Variants in IQCM observed in about 807,000 individuals in gnomAD.
IQCM encodes IQ domain-containing protein M.
IQCM carries 45 observed loss-of-function variants against 57.6 expected under a neutral mutation model. The observed-to-expected ratio is 0.78, with a 90% confidence interval of 0.62 to 1.00. The LOEUF (loss-of-function observed/expected upper bound fraction) is 1.00. Ranked by LOEUF, IQCM falls within the 50% of genes least tolerant of loss-of-function variation. IQCM has a pLI of 0.00. For synonymous variants in IQCM, 148 were observed against 158.9 expected (o/e 0.93, Z 0.51); for missense variants, 468 against 511.6 (o/e 0.91, Z 0.82).
In IQCM at chr4:149,593,883, A is replaced by G. The variant is rs75602701; in HGVS notation, c.682-5886T>C. 7.1e-3 allele frequency among the ~76,000 whole-genome samples: 1,080 copies of G among 152,210 alleles called. 13 individuals are homozygous for G. The highest frequency in any genetic ancestry group is 0.025 in the African/African-American group (1,020 of 41,506). On this transcript the variant is annotated intron_variant, in intron 8 of 13. Transcript: ENST00000636793. ...TCAGTATTTTATTGAGGATCTTTGC[A>G]TCGATGTTCATCAGAGACATTGGTC...
chr4:149,724,111 G>T (rs996689186), intron 5 of IQCM, among the ~76,000 whole-genome samples: 1 of 151,846 alleles, frequency 6.6e-6, no homozygotes, highest in African/African-American at 2.4e-5. Flanking sequence ...TCAAATGCTT[G>T]TATTTCTGTA....
intron 13 of IQCM, among the ~76,000 whole-genome samples, chr4:149,397,429 T>C (rs977869161): frequency 6.6e-6 from 1 of 151,982 alleles, no homozygotes; most frequent in Non-Finnish European, 1.5e-5. Context: ...GATTGGATCA[T>C]GGGGGTGATT....
chr4:149,566,692 G>C (rs1300612268), intron 9 of IQCM, among the ~76,000 whole-genome samples: 1 of 152,150 alleles, frequency 6.6e-6, no homozygotes, highest in Non-Finnish European at 1.5e-5. Flanking sequence ...AATGTGATTT[G>C]TCTGGTTTTC....
rs547140689 is a variant in IQCM at position 149,585,259 on chromosome 4, T to C, written c.749+2671A>G. Among the ~76,000 whole-genome samples the C allele has an allele frequency of 6.6e-5, 10 of 151,792 alleles. No homozygotes were observed. In the East Asian group the frequency reaches 2.0e-3, roughly 30 times the overall value. On this transcript the variant is annotated intron_variant, in intron 9 of 13. Transcript: ENST00000636793. The stretch of plus-strand genomic sequence containing the variant: ...ACTGATGACTGATGGAAGGTTATAA[T>C]ATACTCTGCCTCATGCAGGCTGTAA...
intron 2 of IQCM, among the ~76,000 whole-genome samples, chr4:149,810,289 G>A (rs1314333308): frequency 6.7e-6 from 1 of 148,584 alleles, no homozygotes; most frequent in Non-Finnish European, 1.5e-5. Context: ...TTGGGCCCAG[G>A]ATGCAGAGGT....
At chr4:149,692,910 CAG>C (rs1171701924) in intron 5 of IQCM, among the ~76,000 whole-genome samples, 1 of 152,018 alleles carries the variant, frequency 6.6e-6, no homozygotes, top group Non-Finnish European at 1.5e-5. Flanking sequence ...GGCAAAAAAA[CAG>C]AGGTAAAGTG....
intron 7 of IQCM, among the ~76,000 whole-genome samples, chr4:149,641,217 C>T (rs1251724557): frequency 1.3e-5 from 2 of 152,086 alleles, no homozygotes; most frequent in Non-Finnish European, 2.9e-5. Flanking sequence ...AGAATTATAA[C>T]AAAAAGGTAA....
At chr4:149,662,650 A>G (rs572769058) in intron 7 of IQCM, among the ~76,000 whole-genome samples, 1 of 151,982 alleles carries the variant, frequency 6.6e-6, no homozygotes, top group Non-Finnish European at 1.5e-5. Flanking sequence ...TCCCTTTATC[A>G]TTATATAACC....
At chr4:149,568,778 A>C (rs1579523157) in intron 9 of IQCM, among the ~76,000 whole-genome samples, 1 of 152,174 alleles carries the variant, frequency 6.6e-6, no homozygotes, top group African/African-American at 2.4e-5. Flanking sequence ...ACCCTATCTC[A>C]AAATACACAT....
chr4:149,461,018 T>C (rs1254036714), intron 12 of IQCM, among the ~76,000 whole-genome samples: 1 of 152,054 alleles, frequency 6.6e-6, no homozygotes. Flanking sequence ...GCAGATCACC[T>C]GAGATCGGGA....
At chr4:149,425,645 A>G (rs183578551) in intron 13 of IQCM, among the ~76,000 whole-genome samples, 3 of 151,960 alleles carry the variant, frequency 2.0e-5, no homozygotes, top group Non-Finnish European at 2.9e-5. Context: ...AATGAGGGAA[A>G]TCTTCTTTAT....
At chr4:149,632,473 T>C (rs940692681) in intron 7 of IQCM, among the ~76,000 whole-genome samples, 1 of 152,206 alleles carries the variant, frequency 6.6e-6, no homozygotes, top group Non-Finnish European at 1.5e-5. Flanking sequence ...TAAAAAAGAT[T>C]ATTAATTTTG....
chr4:149,369,034 G>A (rs1211544504), intron 13 of IQCM, among the ~76,000 whole-genome samples: 1 of 92,684 alleles, frequency 1.1e-5, no homozygotes, highest in Non-Finnish European at 2.2e-5. Flanking sequence ...ATATATACAT[G>A]TGTATATATA....
At chr4:149,451,620 A>G (rs1737131497) in intron 12 of IQCM, among the ~76,000 whole-genome samples, 1 of 151,842 alleles carries the variant, frequency 6.6e-6, no homozygotes, top group African/African-American at 2.4e-5. Context: ...AAATTAATCA[A>G]TTAAATTCAT....
intron 2 of IQCM, among the ~76,000 whole-genome samples, chr4:149,765,101 A>C (rs532717907): frequency 6.6e-6 from 1 of 152,122 alleles, no homozygotes; most frequent in South Asian, 2.1e-4. Context: ...TTACCAAAAA[A>C]AATTTCTTTA....
At position 149,621,128 on chromosome 4, in the gene IQCM, C is replaced by G; in HGVS notation, c.681+1G>C. On this transcript the variant is annotated splice_donor_variant, in intron 8 of 13. Coordinates refer to ENST00000636793, the MANE Select transcript of IQCM (RefSeq NM_001363507.2). LOFTEE classifies it high-confidence loss of function. ...CTACATCCAGTTTTATAAATACTTA[C>G]AGAATAATAATCCCGAAATATTGAT... 8.3e-7 allele frequency: 1 copy of G among 1,201,590 alleles called. No homozygotes were observed. Among genetic ancestry groups the G allele is most frequent in the Non-Finnish European group, 1.0e-6 (1 of 960,258 alleles). The allele number at this position is 1,201,590 out of a possible 1,614,324, so 74.4% of individuals were successfully genotyped here. A position where few individuals can be genotyped will look rare whatever the true frequency, so the allele number is the denominator to read the frequency against.
chr4:149,395,812 C>T (rs1035493624), intron 13 of IQCM, among the ~76,000 whole-genome samples: 5 of 151,996 alleles, frequency 3.3e-5, no homozygotes, highest in Admixed American at 1.3e-4. Context: ...AATGACTAGA[C>T]ATTTTGCATC....
At chr4:149,674,635 A>G (rs1379128539) in intron 7 of IQCM, among the ~76,000 whole-genome samples, 1 of 152,082 alleles carries the variant, frequency 6.6e-6, no homozygotes, top group African/African-American at 2.4e-5. Flanking sequence ...AAAGAAAAAA[A>G]CCTTTCCAGG....
intron 12 of IQCM, among the ~76,000 whole-genome samples, chr4:149,490,002 T>C (rs1036474289): frequency 6.6e-6 from 1 of 152,004 alleles, no homozygotes; most frequent in African/African-American, 2.4e-5. Context: ...TTAGAGAAGA[T>C]AGTTGTCTCT....
Sources: allele counts gnomAD v4.1 joint callset (sites outside exome capture counted in the v4.1 genomes callset), GRCh38; gene constraint gnomAD v4.1.1; transcripts MANE v1.5; gene names NCBI Gene and HGNC (gene_info 2026-07-23, HGNC 2026-07-21).